The following SAMD8 variants were observed in gnomAD, a reference collection of about 807,000 sequenced individuals.
The protein encoded by SAMD8 is sphingomyelin synthase-related protein 1.
A neutral mutation model predicts 42.0 loss-of-function variants in SAMD8; 20 were observed. The observed-to-expected ratio is 0.48, with a 90% CI of 0.34 to 0.69. The LOEUF (loss-of-function observed/expected upper bound fraction) is 0.69, where lower values mean the gene tolerates loss of function less well. Among genes scored for constraint, SAMD8 ranks in the 30% least tolerant of loss-of-function variants. SAMD8 has a pLI of 0.01. For missense variants in SAMD8, 328 were observed against 511.6 expected, an observed-to-expected ratio of 0.64 and a Z score of 3.46; for synonymous variants, 162 against 173.0, an observed-to-expected ratio of 0.94 and a Z score of 0.50.
upstream of SAMD8, chr10:75,108,036 G>C (rs1446860917): frequency 6.2e-7 from 1 of 1,613,848 alleles, no homozygotes; most frequent in Admixed American, 1.7e-5. Context: ...AGCCGCAGAG[G>C]AGAAGTAGGC....
At chr10:75,130,228 A>T (rs1193222330) in intron 1 of SAMD8, among the ~76,000 whole-genome samples, 1 of 152,054 alleles carries the variant, frequency 6.6e-6, no homozygotes, top group Non-Finnish European at 1.5e-5. Context: ...TCAGCCAGGC[A>T]CGGTGACTCA....
At chr10:75,161,528 T>G (rs1392984884) in intron 2 of SAMD8, among the ~76,000 whole-genome samples, 8 of 150,846 alleles carry the variant, frequency 5.3e-5, no homozygotes, top group Non-Finnish European at 1.0e-4. Context: ...AAACCAGACG[T>G]CTGAGAAAAA....
intron 2 of SAMD8, among the ~76,000 whole-genome samples, chr10:75,157,986 C>T (rs1425606155): frequency 2.0e-5 from 3 of 151,542 alleles, no homozygotes; most frequent in Non-Finnish European, 2.9e-5. Flanking sequence ...ATGGAGAAAC[C>T]GCATCTCTAC....
In SAMD8 at chr10:75,169,434, A is replaced by G. The variant is rs552275588; in HGVS notation, c.792+776A>G. On this transcript the variant is annotated intron_variant, in intron 4 of 5. Transcript: ENST00000542569. ...GAGGCGGAGGTTGTAGTGAGCCGAGATCGCACCACTGCACTCTAGCCTGGG... is the reference window on the plus strand; with the variant it reads ...GAGGCGGAGGTTGTAGTGAGCCGAGGTCGCACCACTGCACTCTAGCCTGGG... Among the ~76,000 whole-genome samples the G allele has an allele frequency of 5.8e-4, 88 of 152,086 alleles. 1 individual carries two copies. Among genetic ancestry groups the G allele is most frequent in the African/African-American group, 2.1e-3 (86 of 41,480 alleles).
chr10:75,167,383 C>T (rs1840711492), intron 3 of SAMD8, among the ~76,000 whole-genome samples: 1 of 151,984 alleles, frequency 6.6e-6, no homozygotes, highest in South Asian at 2.1e-4. Flanking sequence ...CAGCCTAGGA[C>T]TGCAGATACA....
At position 75,150,557 on chromosome 10, in the gene SAMD8, G is replaced by A. The variant is rs773755517; in HGVS notation, c.29G>A (p.Arg10His). 37 of 1,613,622 alleles carry A rather than the reference G, an allele frequency of 2.3e-5. No individual in the cohort carries two copies. The highest frequency in any genetic ancestry group is 5.3e-5 in the African/African-American group (4 of 74,876). MAGPNQLCI[R>H]RWTTKHVAVW... ...GCAGGTCCTAATCAACTCTGCATTC[G>A]CCGCTGGACTACCAAGCATGTAGCT... The change falls in exon 2 of 6, where the codon CGC becomes CAC. Residue 10 changes from arginine (R) to histidine (H), a missense_variant. By Grantham distance (29) the Arg-to-His change is conservative. Coordinates refer to ENST00000542569, the MANE Select transcript of SAMD8 (RefSeq NM_001174156.2).
At chr10:75,168,353 G>T in intron 3 of SAMD8, 188 bp from the exon 4 acceptor site, 1 of 837,518 alleles carries the variant, frequency 1.2e-6, no homozygotes, top group Non-Finnish European at 1.4e-6. Context: ...ACAGTATATG[G>T]AACATTTCCG....
At chr10:75,173,847 G>A (rs942701096) in intron 4 of SAMD8, among the ~76,000 whole-genome samples, 2 of 152,126 alleles carry the variant, frequency 1.3e-5, no homozygotes, top group Non-Finnish European at 2.9e-5. Context: ...ATAGGGCTTT[G>A]GAATTGGGTT....
In SAMD8 at chr10:75,168,626, G is replaced by A. The variant is rs1434384082; in HGVS notation, c.760G>A (p.Val254Met). The A allele has an allele frequency of 6.8e-6, 11 of 1,613,150 alleles. No homozygotes were observed. Among genetic ancestry groups the A allele is most frequent in the East Asian group, 2.2e-5 (1 of 44,870 alleles). The change falls in exon 4 of 6, where the codon GTG becomes ATG. Residue 254 changes from valine (V) to methionine (M), a missense_variant. Around this residue, in one of 2 missense-constraint regions of SAMD8, gnomAD observed 178 missense variants for 325.6 expected, o/e 0.55. Transcript: ENST00000542569. ...CFTMFVTSLS[V>M]PGQHLQCTGK... is the part of the protein sequence containing the mutation. ...TACCATGTTTGTGACCTCCCTCTCC[G>A]TGCCAGGACAACACCTGCAGTGTAC...
chr10:75,121,754 C>T (rs1192098970), intron 1 of SAMD8, among the ~76,000 whole-genome samples: 1 of 151,992 alleles, frequency 6.6e-6, no homozygotes, highest in East Asian at 1.9e-4. Context: ...TGCAGTGGTG[C>T]GATCTTGGCT....
chr10:75,179,824 C>T lies in SAMD8; in HGVS notation c.*3132C>T, dbSNP rs1015857618. 12 of 152,086 alleles carry T rather than the reference C, an allele frequency of 7.9e-5. No homozygotes were observed. Among genetic ancestry groups the T allele is most frequent in the Admixed American group, 5.9e-4 (9 of 15,256 alleles). The allele number at this position is 152,086 out of a possible 1,614,324, so 9.4% of individuals were successfully genotyped here. A position where few individuals can be genotyped will look rare whatever the true frequency, so the allele number is the denominator to read the frequency against. On this transcript the variant is annotated 3_prime_UTR_variant, in exon 6 of 6. Transcript: ENST00000542569. ...GTGGCTAAGCAGAGAAGCTACATGG[C>T]TTTGGTCTACATATTTTTTGACCTT...
At chr10:75,169,207 C>A (rs987063406) in intron 4 of SAMD8, among the ~76,000 whole-genome samples, 2 of 141,022 alleles carry the variant, frequency 1.4e-5, no homozygotes, top group Non-Finnish European at 3.0e-5. Context: ...TTTATTTTGG[C>A]CGGGCGCAGT....
At chr10:75,119,752 G>A (rs1245822784) in intron 1 of SAMD8, among the ~76,000 whole-genome samples, 1 of 152,172 alleles carries the variant, frequency 6.6e-6, no homozygotes, top group African/African-American at 2.4e-5. Context: ...GTTTCATTTT[G>A]TTGATATATT....
intron 2 of SAMD8, among the ~76,000 whole-genome samples, chr10:75,153,122 C>A (rs1840329294): frequency 6.6e-6 from 1 of 151,910 alleles, no homozygotes; most frequent in Admixed American, 6.6e-5. Context: ...ACTGGGATTA[C>A]AGGCACCCAC....
chr10:75,111,810 C>T (rs1848775903), intron 1 of SAMD8, 88 bp downstream of exon 1: 1 of 1,227,704 alleles, frequency 8.1e-7, no homozygotes, highest in South Asian at 4.2e-5. Context: ...GAGCCGGGGG[C>T]TGCCGAGGGA....
At chr10:75,116,344 A>C (rs1848881380) in intron 1 of SAMD8, among the ~76,000 whole-genome samples, 1 of 152,136 alleles carries the variant, frequency 6.6e-6, no homozygotes, top group South Asian at 2.1e-4. Flanking sequence ...GGCCTCGAGC[A>C]GTCCTCCCAC....
At chr10:75,102,518 G>T (rs977035013) in intron 1 of SAMD8, among the ~76,000 whole-genome samples, 1 of 152,220 alleles carries the variant, frequency 6.6e-6, no homozygotes, top group African/African-American at 2.4e-5. Flanking sequence ...CATTTTAAAA[G>T]GTCCCTTGGC....
intron 1 of SAMD8, among the ~76,000 whole-genome samples, chr10:75,148,648 C>T (rs548767401): frequency 5.3e-5 from 8 of 152,150 alleles, no homozygotes; most frequent in Non-Finnish European, 1.2e-4. Context: ...CCACCGCGCC[C>T]GGCCGCAGTA....
At chr10:75,121,943 T>C (rs966219819) in intron 1 of SAMD8, among the ~76,000 whole-genome samples, 1 of 152,100 alleles carries the variant, frequency 6.6e-6, no homozygotes, top group African/African-American at 2.4e-5. Context: ...CCACCCTCTT[T>C]GGCCTCCCAA....
Sources: allele counts gnomAD v4.1 joint callset (sites outside exome capture counted in the v4.1 genomes callset), GRCh38; gene constraint gnomAD v4.1.1; regional missense constraint gnomAD v4.1.1; transcripts MANE v1.5; gene names NCBI Gene and HGNC (gene_info 2026-07-23, HGNC 2026-07-21).